Variants in PRKG1 observed in about 807,000 individuals in gnomAD.
The protein encoded by PRKG1 is protein kinase cGMP-dependent 1, also known as cGMP-dependent protein kinase 1.
A neutral mutation model predicts 88.1 loss-of-function variants in PRKG1; 35 were observed. The ratio of observed to expected loss-of-function variants is 0.40; its 90% CI spans 0.30 to 0.53. The LOEUF is 0.53. Ranked by LOEUF, PRKG1 falls within the 20% of genes least tolerant of loss-of-function variation. PRKG1 has a pLI of 0.59. For synonymous variants in PRKG1, 303 were observed against 292.5 expected (o/e 1.04, Z -0.37); for missense variants, 540 against 839.8 (o/e 0.64, Z 4.41).
intron 2 of PRKG1, among the ~76,000 whole-genome samples, chr10:51,294,942 G>A (rs1299554401): frequency 6.6e-6 from 1 of 152,092 alleles, no homozygotes; most frequent in Non-Finnish European, 1.5e-5. Context: ...AATTTCCTGG[G>A]TATGGTGGCA....
intron 1 of PRKG1, among the ~76,000 whole-genome samples, chr10:51,039,402 G>A (rs774440781): frequency 6.6e-6 from 1 of 152,118 alleles, no homozygotes; most frequent in Non-Finnish European, 1.5e-5. Flanking sequence ...TGTCTCTTCA[G>A]ATCTTTTGCT....
intron 2 of PRKG1, among the ~76,000 whole-genome samples, chr10:51,215,571 G>T (rs558342544): frequency 9.8e-5 from 15 of 152,310 alleles, no homozygotes; most frequent in Admixed American, 7.2e-4. Flanking sequence ...CATGGAGGAG[G>T]AAGGGAGTAG....
At chr10:51,455,065 G>A (rs575883903) in intron 2 of PRKG1, among the ~76,000 whole-genome samples, 1 of 152,300 alleles carries the variant, frequency 6.6e-6, no homozygotes, top group South Asian at 2.1e-4. Flanking sequence ...AATCTAGGCA[G>A]AGGTTCCCAA....
intron 9 of PRKG1, among the ~76,000 whole-genome samples, chr10:52,194,384 CAT>C (rs1839451762): frequency 6.6e-6 from 1 of 152,066 alleles, no homozygotes; most frequent in African/African-American, 2.4e-5. Flanking sequence ...TCCATGGAAA[CAT>C]GACGGTTATG....
chr10:51,537,004 A>C (rs1347529335), intron 3 of PRKG1, among the ~76,000 whole-genome samples: 1 of 152,096 alleles, frequency 6.6e-6, no homozygotes, highest in Non-Finnish European at 1.5e-5. Context: ...TTACATTAAA[A>C]TCTGTAATCC....
chr10:51,739,099 C>T (rs1287915528), intron 3 of PRKG1, among the ~76,000 whole-genome samples: 1 of 152,188 alleles, frequency 6.6e-6, no homozygotes, highest in Non-Finnish European at 1.5e-5. Flanking sequence ...TCATTTTGCT[C>T]TGTGCTCTGC....
chr10:51,672,590 G>C (rs1840611628), intron 3 of PRKG1, among the ~76,000 whole-genome samples: 1 of 151,640 alleles, frequency 6.6e-6, no homozygotes, highest in Admixed American at 6.6e-5. Context: ...ATTTAATTTT[G>C]CTATTTGATT....
At chr10:52,010,452 C>G (rs1316640311) in intron 5 of PRKG1, among the ~76,000 whole-genome samples, 1 of 152,082 alleles carries the variant, frequency 6.6e-6, no homozygotes, top group Admixed American at 6.6e-5. Context: ...ATAAAAAATG[C>G]TCAAGATCAC....
intron 1 of PRKG1, among the ~76,000 whole-genome samples, chr10:51,111,023 C>T (rs1303608694): frequency 1.3e-5 from 2 of 152,026 alleles, no homozygotes; most frequent in Non-Finnish European, 2.9e-5. Context: ...ACTTCAATGC[C>T]AAGGAAAGGT....
chr10:51,059,619 A>G (rs1843671928), intron 1 of PRKG1, among the ~76,000 whole-genome samples: 1 of 152,188 alleles, frequency 6.6e-6, no homozygotes, highest in Non-Finnish European at 1.5e-5. Flanking sequence ...ATTTTATTAA[A>G]TACTTTTTCA....
At chr10:51,612,988 A>G (rs765748823) in intron 3 of PRKG1, among the ~76,000 whole-genome samples, 5 of 151,962 alleles carry the variant, frequency 3.3e-5, no homozygotes, top group Non-Finnish European at 5.9e-5. Flanking sequence ...ATGACGTATT[A>G]TCTTTTTGAT....
chr10:51,988,241 A>G (rs2927515), intron 5 of PRKG1, among the ~76,000 whole-genome samples: 48,488 of 151,912 alleles, frequency 0.32, 8,268 homozygotes, highest in Admixed American at 0.39. Flanking sequence ...TTATTTACGA[A>G]TGAATTTTCT....
At chr10:51,598,741 C>T (rs1838522170) in intron 3 of PRKG1, among the ~76,000 whole-genome samples, 2 of 151,996 alleles carry the variant, frequency 1.3e-5, no homozygotes, top group Admixed American at 1.3e-4. Context: ...AGTGAATAAA[C>T]AAAGATTGAT....
intron 5 of PRKG1, among the ~76,000 whole-genome samples, chr10:52,031,237 T>A (rs1320182861): frequency 6.6e-6 from 1 of 152,228 alleles, no homozygotes; most frequent in Non-Finnish European, 1.5e-5. Flanking sequence ...ATTTAGGATG[T>A]TCATAAATGA....
chr10:51,899,671 GTA>G (rs57320165), intron 4 of PRKG1, among the ~76,000 whole-genome samples: 3,820 of 120,320 alleles, frequency 0.032, 182 homozygotes, highest in African/African-American at 0.097. Flanking sequence ...AAAGAAAAAT[GTA>G]TATATATATA....
At position 51,434,648 on chromosome 10, in the gene PRKG1, G is replaced by GT. The variant is rs1838867878; in HGVS notation, c.479-33074dup. On this transcript the variant is annotated intron_variant, in intron 2 of 17. Transcript: ENST00000373980. ...TTGAGGACAATCAGCTGTTTAAAAC[G>GT]TAAGATCAGTGCATACGGTATTTTC... Among the ~76,000 whole-genome samples, 9 of 152,046 alleles carry GT rather than the reference G, an allele frequency of 5.9e-5. No individual in the cohort carries two copies. In the South Asian group the frequency reaches 1.9e-3, roughly 31 times the overall value.
At chr10:51,147,583 TA>T (rs1845973367) in intron 1 of PRKG1, among the ~76,000 whole-genome samples, 1 of 152,194 alleles carries the variant, frequency 6.6e-6, no homozygotes, top group Admixed American at 6.5e-5. Flanking sequence ...TCAAAGGAAC[TA>T]AATAATCTAT....
At chr10:52,070,620 C>T (rs11000693) in intron 7 of PRKG1, among the ~76,000 whole-genome samples, 26,196 of 152,036 alleles carry the variant, frequency 0.17, 2,861 homozygotes, top group South Asian at 0.28. Context: ...TGGCCTAGAC[C>T]TAACCTCATC....
In PRKG1 at chr10:51,074,503, C is replaced by T; in HGVS notation, c.-88C>T. ...AGCTTTGGCACTCGGGAGGCAGCGGCGACTTTGGGGAAAGTTGATCGGAGA... is the reference window on the plus strand; with the variant it reads ...AGCTTTGGCACTCGGGAGGCAGCGGTGACTTTGGGGAAAGTTGATCGGAGA... On this transcript the variant is annotated 5_prime_UTR_variant, in exon 1 of 18. Coordinates refer to ENST00000373980, the MANE Select transcript of PRKG1 (RefSeq NM_006258.4). 1 of 1,499,324 alleles carries T rather than the reference C, an allele frequency of 6.7e-7. No individual in the cohort carries two copies. 92.9% of individuals were successfully genotyped at this position (1,499,324 alleles called of 1,614,324 possible).
Sources: allele counts gnomAD v4.1 joint callset (sites outside exome capture counted in the v4.1 genomes callset), GRCh38; gene constraint gnomAD v4.1.1; transcripts MANE v1.5; gene names NCBI Gene and HGNC (gene_info 2026-07-23, HGNC 2026-07-21).